DSCAML1: variants seen among roughly 807,000 people sequenced by gnomAD.
The protein encoded by DSCAML1 is DS cell adhesion molecule like 1, also known as cell adhesion molecule DSCAML1.
A neutral mutation model predicts 200.5 loss-of-function variants in DSCAML1; 38 were observed. The observed-to-expected ratio is 0.19, with a 90% confidence interval of 0.15 to 0.25. The LOEUF (loss-of-function observed/expected upper bound fraction) is 0.25, where lower values mean the gene tolerates loss of function less well. Ranked by LOEUF, DSCAML1 falls within the 10% of genes least tolerant of loss-of-function variation. The pLI, the probability that DSCAML1 is intolerant of heterozygous loss-of-function variation, is 1.00. For synonymous variants in DSCAML1, 1,215 were observed against 1,165.0 expected, an observed-to-expected ratio of 1.04 and a Z score of -0.87; for missense variants, 2,223 against 2,858.8, an observed-to-expected ratio of 0.78 and a Z score of 5.07.
chr11:117,494,011 C>T (rs926868468), intron 11 of DSCAML1, among the ~76,000 whole-genome samples: 14 of 152,206 alleles, frequency 9.2e-5, no homozygotes, highest in Admixed American at 7.2e-4. Context: ...TATGTGCACG[C>T]ACCATGGCTA....
At chr11:117,753,160 C>T (rs1304843918) in intron 3 of DSCAML1, among the ~76,000 whole-genome samples, 2 of 152,216 alleles carry the variant, frequency 1.3e-5, no homozygotes, top group Admixed American at 1.3e-4. Context: ...ATTTAAAATG[C>T]ACCTCCCAGG....
At chr11:117,666,394 T>G (rs1174322287) in intron 3 of DSCAML1, among the ~76,000 whole-genome samples, 1 of 152,238 alleles carries the variant, frequency 6.6e-6, no homozygotes, top group Non-Finnish European at 1.5e-5. Context: ...CTCTGTCTAA[T>G]AGTCAGACGC....
At chr11:117,657,269 C>A (rs2052754912) in intron 3 of DSCAML1, among the ~76,000 whole-genome samples, 1 of 152,130 alleles carries the variant, frequency 6.6e-6, no homozygotes, top group Non-Finnish European at 1.5e-5. Flanking sequence ...CCAATGGGCT[C>A]CTGAGAAAGA....
At chr11:117,709,368 C>A (rs2053804040) in intron 3 of DSCAML1, among the ~76,000 whole-genome samples, 1 of 152,214 alleles carries the variant, frequency 6.6e-6, no homozygotes, top group Non-Finnish European at 1.5e-5. Flanking sequence ...TGTGTCCTCA[C>A]ATGGCAGATG....
At chr11:117,784,371 G>A (rs570407825) in intron 1 of DSCAML1, among the ~76,000 whole-genome samples, 15 of 152,282 alleles carry the variant, frequency 9.9e-5, no homozygotes, top group Non-Finnish European at 1.9e-4. Context: ...GCCTCGCCCT[G>A]CCTGCCAAGG....
chr11:117,430,454 AT>A (rs2047763028), intron 32 of DSCAML1, among the ~76,000 whole-genome samples: 1 of 152,266 alleles, frequency 6.6e-6, no homozygotes, highest in Admixed American at 6.5e-5. Context: ...AGTAGATACT[AT>A]CGTTGGCATT....
At position 117,428,288 on chromosome 11, in the gene DSCAML1, G is replaced by A. The variant is rs766832210; in HGVS notation, c.*40C>T. 1.7e-5 allele frequency: 19 copies of A among 1,146,580 alleles called. No homozygotes were observed. Among genetic ancestry groups the A allele is most frequent in the South Asian group, 5.2e-5 (4 of 77,102 alleles). The allele number at this position is 1,146,580 out of a possible 1,614,324, so 71.0% of individuals were successfully genotyped here. A position where few individuals can be genotyped will look rare whatever the true frequency, so the allele number is the denominator to read the frequency against. On this transcript the variant is annotated 3_prime_UTR_variant, in exon 33 of 33. Transcript: ENST00000651296. ...AGCCGAGCTGGCGTGTGGGGCTGCG[G>A]CGCGGCGCGGTCCAGGCGTGGCTGC...
intron 5 of DSCAML1, among the ~76,000 whole-genome samples, chr11:117,523,500 C>A (rs191626887): frequency 1.8e-4 from 27 of 152,292 alleles, no homozygotes; most frequent in Non-Finnish European, 5.9e-5. Context: ...CCGTGCACTG[C>A]CATCCCAGAG....
chr11:117,524,971 G>A lies in DSCAML1; in HGVS notation c.771C>T (p.Ile257=). The part of the protein sequence containing the change: ...CTASGYPIPA[I]RWLKDGRPLP... ...GGGGCCGGCCATCCTTGAGCCAGCGGATGGCGGGGATAGGGTAGCCCGAGG... is the reference window on the plus strand; with the variant it reads ...GGGGCCGGCCATCCTTGAGCCAGCGAATGGCGGGGATAGGGTAGCCCGAGG... The change falls in exon 5 of 33, where the codon ATC becomes ATT. Residue 257 remains isoleucine (I), a synonymous_variant. Coordinates refer to ENST00000651296, the MANE Select transcript of DSCAML1 (RefSeq NM_020693.4). The A allele has an allele frequency of 6.2e-7, 1 of 1,613,076 alleles. No homozygotes were observed. The highest frequency in any genetic ancestry group is 8.5e-7 in the Non-Finnish European group (1 of 1,179,744).
At chr11:117,733,488 C>T (rs2054261075) in intron 3 of DSCAML1, among the ~76,000 whole-genome samples, 1 of 152,168 alleles carries the variant, frequency 6.6e-6, no homozygotes, top group Non-Finnish European at 1.5e-5. Context: ...AGTCTGCTGA[C>T]TACGAAAGGA....
intron 3 of DSCAML1, among the ~76,000 whole-genome samples, chr11:117,728,143 T>G (rs1242365430): frequency 6.6e-6 from 1 of 152,196 alleles, no homozygotes. Flanking sequence ...AATCCATTAA[T>G]GTAATACAAC....
At chr11:117,806,280 G>T (rs1171006591) in intron 1 of DSCAML1, among the ~76,000 whole-genome samples, 1 of 152,162 alleles carries the variant, frequency 6.6e-6, no homozygotes, top group Non-Finnish European at 1.5e-5. Flanking sequence ...TGAGCAATGG[G>T]AAGGATATGC....
Position 117,435,739 on chromosome 11 carries a change from G to T in DSCAML1, c.4781C>A (p.Thr1594Asn), listed in dbSNP as rs1273622434. ...GGCCAGGATGACAGGGCAGCCGATG[G>T]TGAACAGCTTCTTCACATCATCCCC... ...GEGDDVKKLF[T>N]IGCPVILATL... Residue 1594 changes from threonine (T) to asparagine (N), a missense_variant, in exon 27 of 33, where the codon ACC (threonine) becomes AAC (asparagine). By Grantham distance (65) the Thr-to-Asn change is moderately conservative. Transcript: ENST00000651296. 6.2e-7 allele frequency: 1 copy of T among 1,613,640 alleles called. No individual in the cohort carries two copies. Among genetic ancestry groups the T allele is most frequent in the Admixed American group, 1.7e-5 (1 of 60,026 alleles).
intron 3 of DSCAML1, among the ~76,000 whole-genome samples, chr11:117,568,023 C>A (rs1240979546): frequency 1.3e-5 from 2 of 151,856 alleles, no homozygotes; most frequent in Non-Finnish European, 2.9e-5. Flanking sequence ...AGCTTATCCA[C>A]CATGATCAAG....
intron 27 of DSCAML1, among the ~76,000 whole-genome samples, chr11:117,435,216 C>G (rs1440908932): frequency 6.6e-6 from 1 of 152,110 alleles, no homozygotes; most frequent in Non-Finnish European, 1.5e-5. Flanking sequence ...CAGAAACTGC[C>G]CAGTTAGAAC....
intron 3 of DSCAML1, among the ~76,000 whole-genome samples, chr11:117,684,703 C>T (rs1375065097): frequency 6.6e-6 from 1 of 152,204 alleles, no homozygotes; most frequent in African/African-American, 2.4e-5. Context: ...ATGTTAAACA[C>T]TTTTAAGCCA....
Position 117,443,977 on chromosome 11 carries a change from G to A in DSCAML1, c.3771C>T (p.Arg1257=). 1 of 1,613,948 alleles carries A rather than the reference G, an allele frequency of 6.2e-7. No homozygotes were observed. The highest frequency in any genetic ancestry group is 1.1e-5 in the South Asian group (1 of 91,074). ...CCACCCACAGCAGATACTGCTGACC[G>A]CGGTTTAGGTGGGCGATCCGGTAGA... The part of the protein sequence containing the change: ...QLFYRIAHLN[R]GQQYLLWVAA... The change falls in exon 21 of 33, where the codon CGC becomes CGT. Residue 1257 remains arginine (R), a synonymous_variant. Transcript: ENST00000651296.
chr11:117,471,316 C>T lies in DSCAML1; in HGVS notation c.2953+553G>A, dbSNP rs1351742890. Among the ~76,000 whole-genome samples, 7 of 152,218 alleles carry T rather than the reference C, an allele frequency of 4.6e-5. No homozygotes were observed. The East Asian group carries it at 1.2e-3, about 25-fold the overall frequency. On this transcript the variant is annotated intron_variant, in intron 15 of 32. Transcript: ENST00000651296. ...CCTCCTGATTAGCTGGAACTACAGG[C>T]ATGCGCCACCACGCCCAGCTAATTT...
intron 3 of DSCAML1, among the ~76,000 whole-genome samples, chr11:117,732,979 A>G (rs188076979): frequency 6.6e-6 from 1 of 152,164 alleles, no homozygotes; most frequent in Non-Finnish European, 1.5e-5. Context: ...AGAGCCTCCA[A>G]GAGCCACATT....
Sources: allele counts gnomAD v4.1 joint callset (sites outside exome capture counted in the v4.1 genomes callset), GRCh38; gene constraint gnomAD v4.1.1; transcripts MANE v1.5; gene names NCBI Gene and HGNC (gene_info 2026-07-23, HGNC 2026-07-21).